LNP1: variants seen among roughly 807,000 people sequenced by gnomAD.
LNP1 encodes leukemia NUP98 fusion partner 1.
A neutral mutation model predicts 14.5 loss-of-function variants in LNP1; 12 were observed. The ratio of observed to expected loss-of-function variants is 0.83; its 90% CI spans 0.53 to 1.34. The LOEUF (loss-of-function observed/expected upper bound fraction) is 1.34. Ranked by LOEUF, LNP1 falls within the 40% of genes most tolerant of loss-of-function variation. The pLI is 0.00. For missense variants in LNP1, 198 were observed against 210.9 expected (o/e 0.94, Z 0.38); for synonymous variants, 75 against 71.4 (o/e 1.05, Z -0.26).
intron 2 of LNP1, among the ~76,000 whole-genome samples, chr3:100,445,417 A>G (rs11712077): frequency 0.33 from 50,854 of 151,910 alleles, 8,786 homozygotes; most frequent in Middle Eastern, 0.43. Context: ...AATGCAGTTT[A>G]TTTTGATTGG....
intron 2 of LNP1, among the ~76,000 whole-genome samples, chr3:100,434,522 T>A (rs986850856): frequency 2.0e-5 from 3 of 151,992 alleles, no homozygotes; most frequent in Admixed American, 2.0e-4. Context: ...CCTCCTTTTT[T>A]TTTTCTTCTT....
chr3:100,415,374 A>C (rs1305412859), intron 1 of LNP1, among the ~76,000 whole-genome samples: 3 of 152,252 alleles, frequency 2.0e-5, no homozygotes, highest in Non-Finnish European at 4.4e-5. Context: ...GAAAATATAC[A>C]TATGAAAACA....
chr3:100,422,207 G>A (rs1185340238), intron 1 of LNP1, among the ~76,000 whole-genome samples: 1 of 137,254 alleles, frequency 7.3e-6, no homozygotes, highest in Non-Finnish European at 1.6e-5. Context: ...TTTTTGCTAT[G>A]GAGTCTTGCT....
chr3:100,451,835 TG>T lies in LNP1; in HGVS notation c.276del (p.Ser93HisfsTer51). On this transcript the variant is annotated frameshift_variant, in exon 3 of 4. Coordinates refer to ENST00000383693, the MANE Select transcript of LNP1 (RefSeq NM_001085451.2). LOFTEE classifies it high-confidence loss of function. ...VRDYRKYSED[G>X]SFKEPLESKG... is the part of the protein sequence containing the mutation. ...GGGATTACAGAAAATACTCAGAGGA[TG>T]GGTCATTCAAGGAGCCACTGGAATC... 1.7e-6 allele frequency: 2 copies of T among 1,208,028 alleles called. No homozygotes were observed. Among genetic ancestry groups the T allele is most frequent in the South Asian group, 3.4e-5 (2 of 59,078 alleles). The allele number at this position is 1,208,028 out of a possible 1,614,324, so 74.8% of individuals were successfully genotyped here.
At chr3:100,449,311 G>A (rs1707417151) in intron 2 of LNP1, among the ~76,000 whole-genome samples, 1 of 151,938 alleles carries the variant, frequency 6.6e-6, no homozygotes, top group South Asian at 2.1e-4. Context: ...AAAAATCCAA[G>A]GGTATCCTCT....
intron 1 of LNP1, among the ~76,000 whole-genome samples, chr3:100,421,483 A>C (rs1445191837): frequency 6.6e-6 from 1 of 152,168 alleles, no homozygotes; most frequent in Non-Finnish European, 1.5e-5. Context: ...ATCACCCTGT[A>C]TTGTATTTTA....
At chr3:100,417,658 C>T (rs1026743687) in intron 1 of LNP1, among the ~76,000 whole-genome samples, 2 of 152,044 alleles carry the variant, frequency 1.3e-5, no homozygotes, top group Non-Finnish European at 2.9e-5. Context: ...GGATTACAGA[C>T]GTGAGACACC....
rs191056641 is a variant in LNP1 at position 100,454,463 on chromosome 3, C to T, written c.388-1314C>T. On this transcript the variant is annotated intron_variant, in intron 3 of 3. Coordinates refer to ENST00000383693, the MANE Select transcript of LNP1 (RefSeq NM_001085451.2). ...CAGTAAATTTAAAAATGATTTATATCGTCTTTTGTTTGGGGACCAAATGTA... is the reference window on the plus strand; with the variant it reads ...CAGTAAATTTAAAAATGATTTATATTGTCTTTTGTTTGGGGACCAAATGTA... Among the ~76,000 whole-genome samples the T allele has an allele frequency of 5.8e-4, 88 of 152,148 alleles. 2 individuals carry two copies. In the East Asian group the frequency reaches 0.012, roughly 21 times the overall value.
At chr3:100,406,186 T>G (rs1278642058) in intron 1 of LNP1, among the ~76,000 whole-genome samples, 1 of 152,000 alleles carries the variant, frequency 6.6e-6, no homozygotes, top group Non-Finnish European at 1.5e-5. Context: ...CTCAGGAGGC[T>G]GAGGCAGGAG....
chr3:100,450,563 C>G (rs1222763456), intron 2 of LNP1, among the ~76,000 whole-genome samples: 1 of 152,124 alleles, frequency 6.6e-6, no homozygotes, highest in Non-Finnish European at 1.5e-5. Context: ...TCTTGAACCC[C>G]TGACCTCAGG....
At chr3:100,442,763 C>A (rs1707356430) in intron 2 of LNP1, among the ~76,000 whole-genome samples, 1 of 152,034 alleles carries the variant, frequency 6.6e-6, no homozygotes, top group African/African-American at 2.4e-5. Context: ...TTTCACATTT[C>A]CCTCCTTTTT....
intron 2 of LNP1, among the ~76,000 whole-genome samples, chr3:100,444,094 C>T (rs1707367649): frequency 6.6e-6 from 1 of 152,160 alleles, no homozygotes; most frequent in South Asian, 2.1e-4. Context: ...AACATTTCAG[C>T]TCTCCATGAG....
chr3:100,411,909 ATAGT>A (rs1164766916), intron 1 of LNP1, among the ~76,000 whole-genome samples: 6 of 152,340 alleles, frequency 3.9e-5, no homozygotes, highest in African/African-American at 1.4e-4. Context: ...TCAGTCCATA[ATAGT>A]TAGCATATAA....
rs1165099606 is a variant in LNP1, at chr3:100,452,096, A to G, written c.387+147A>G. 7 of 534,638 alleles carry G rather than the reference A, an allele frequency of 1.3e-5. No individual in the cohort carries two copies. In the South Asian group the frequency reaches 1.9e-4, roughly 15 times the overall value. 33.1% of individuals were successfully genotyped at this position (534,638 alleles called of 1,614,324 possible). A position where few individuals can be genotyped will look rare whatever the true frequency, so the allele number is the denominator to read the frequency against. ...TTTGAAAAATGACATTCAGTTTAAC[A>G]TAACCCAGAATGAATTTTTAAAGAA... is the stretch of plus-strand genomic sequence containing the variant. On this transcript the variant is annotated intron_variant, in intron 3 of 3. Transcript: ENST00000383693.
At chr3:100,438,265 C>T (rs1322876259) in intron 2 of LNP1, among the ~76,000 whole-genome samples, 3 of 152,154 alleles carry the variant, frequency 2.0e-5, no homozygotes, top group Admixed American at 1.3e-4. Flanking sequence ...TCCCCCTCCC[C>T]AACTTTCCTT....
chr3:100,422,790 T>A (rs1041336355), intron 1 of LNP1, among the ~76,000 whole-genome samples: 2 of 150,002 alleles, frequency 1.3e-5, no homozygotes, highest in African/African-American at 4.9e-5. Flanking sequence ...AAACATACCT[T>A]GCTTTGTCTC....
chr3:100,453,169 A>C (rs1707476121), intron 3 of LNP1, among the ~76,000 whole-genome samples: 1 of 152,156 alleles, frequency 6.6e-6, no homozygotes, highest in African/African-American at 2.4e-5. Context: ...TTGCCTTTCA[A>C]GTGACACCTG....
At chr3:100,451,980 C>A in intron 3 of LNP1, 31 bp downstream of exon 3, 1 of 1,497,640 alleles carries the variant, frequency 6.7e-7, no homozygotes. Context: ...ATATTTAAGC[C>A]GCTTTAAAAA....
At chr3:100,431,014 T>C (rs1341109656) in intron 2 of LNP1, among the ~76,000 whole-genome samples, 1 of 152,220 alleles carries the variant, frequency 6.6e-6, no homozygotes, top group Non-Finnish European at 1.5e-5. Context: ...TGTTCTGTTA[T>C]AAAATAAACA....
Sources: gnomAD v4.1 joint callset for allele counts (sites outside exome capture counted in the v4.1 genomes callset) on GRCh38, gnomAD v4.1.1 for gene constraint, MANE v1.5 for transcripts, NCBI Gene and HGNC (gene_info 2026-07-23, HGNC 2026-07-21) for gene names.